The following SLC5A4 variants were observed in gnomAD, a reference collection of about 807,000 sequenced individuals.
The protein encoded by SLC5A4 is probable glucose sensor protein SLC5A4.
In SLC5A4, 55 loss-of-function variants were observed where a neutral mutation model predicts 70.3. That is an observed-to-expected ratio of 0.78 (90% CI 0.63 to 0.98). SLC5A4 has a LOEUF of 0.98. Ranked by LOEUF, SLC5A4 falls within the 50% of genes least tolerant of loss-of-function variation. SLC5A4 has a pLI of 0.00. For synonymous variants in SLC5A4, 268 were observed against 305.7 expected (o/e 0.88, Z 1.29); for missense variants, 735 against 839.2 (o/e 0.88, Z 1.53).
the SLC5A4 span, among the ~76,000 whole-genome samples, chr22:32,261,285 A>G: frequency 2.0e-5 from 3 of 152,160 alleles, no homozygotes; most frequent in African/African-American, 7.2e-5. Context: ...CTGCCATTGC[A>G]ACCTTAAGCT....
the SLC5A4 span, among the ~76,000 whole-genome samples, chr22:32,306,612 A>ACATGAAG: frequency 6.6e-6 from 1 of 152,210 alleles, no homozygotes; most frequent in African/African-American, 2.4e-5. Context: ...ATGCCTGCTC[A>ACATGAAG]CATGAAGCCA....
At chr22:32,340,186 G>A in the SLC5A4 span, among the ~76,000 whole-genome samples, 1,285 of 152,308 alleles carry the variant, frequency 8.4e-3, 21 homozygotes, top group African/African-American at 0.03. Context: ...GGATGGCCAA[G>A]CTGCAGTGCA....
chr22:32,254,178 G>A lies in SLC5A4; in HGVS notation c.171C>T (p.Gly57=), dbSNP rs752174080. The change falls in exon 2 of 15, where the codon GGC becomes GGT. Residue 57 remains glycine (G), a synonymous_variant. Coordinates refer to ENST00000266086, the MANE Select transcript of SLC5A4 (RefSeq NM_014227.3). ...CCATATCACGACCAGCGAGGAAGAA[G>A]CCTCCTATAGTACCTCGGTTGGTCT... ...MLKTNRGTIG[G]FFLAGRDMAW... 3 of 1,613,922 alleles carry A rather than the reference G, an allele frequency of 1.9e-6. No individual in the cohort carries two copies. In the African/African-American group the frequency reaches 4.0e-5, roughly 22 times the overall value.
intron 6 of SLC5A4, among the ~76,000 whole-genome samples, chr22:32,237,935 C>T (rs1178679880): frequency 6.6e-6 from 1 of 151,960 alleles, no homozygotes; most frequent in Admixed American, 6.6e-5. Flanking sequence ...AAGACTCATG[C>T]CCTTATTGCT....
chr22:32,312,116 C>G, the SLC5A4 span, among the ~76,000 whole-genome samples: 1 of 152,078 alleles, frequency 6.6e-6, no homozygotes, highest in Non-Finnish European at 1.5e-5. Flanking sequence ...AGATGCGTCC[C>G]TGAGTATTTT....
the SLC5A4 span, among the ~76,000 whole-genome samples, chr22:32,326,956 C>G: frequency 6.6e-6 from 1 of 152,138 alleles, no homozygotes; most frequent in Non-Finnish European, 1.5e-5. Context: ...ATGGACTCAC[C>G]CCCGCAGCCT....
At chr22:32,265,390 G>GA in the SLC5A4 span, among the ~76,000 whole-genome samples, 3 of 150,298 alleles carry the variant, frequency 2.0e-5, no homozygotes, top group Non-Finnish European at 3.0e-5. Context: ...CCTGTCTCAA[G>GA]AAAAAAAAAT....
chr22:32,259,764 G>C (rs1232271321), upstream of SLC5A4, among the ~76,000 whole-genome samples: 1 of 152,206 alleles, frequency 6.6e-6, no homozygotes, highest in Non-Finnish European at 1.5e-5. Context: ...GATTAAGGTG[G>C]ATTGGTGTTA....
chr22:32,301,499 T>C, the SLC5A4 span, among the ~76,000 whole-genome samples: 7 of 152,224 alleles, frequency 4.6e-5, no homozygotes, highest in African/African-American at 1.7e-4. Flanking sequence ...TGCAAAACAT[T>C]CTTGAAAGAA....
chr22:32,335,616 C>T, the SLC5A4 span, among the ~76,000 whole-genome samples: 1 of 152,184 alleles, frequency 6.6e-6, no homozygotes. Context: ...ATGCAACTTG[C>T]CCAAGGACAC....
chr22:32,270,094 G>C, the SLC5A4 span: 1 of 509,730 alleles, frequency 2.0e-6, no homozygotes, highest in Non-Finnish European at 3.7e-6. Context: ...CACATGGCCA[G>C]CTGGTCAGCC....
the SLC5A4 span, chr22:32,271,393 T>C: frequency 1.3e-6 from 1 of 762,232 alleles, no homozygotes; most frequent in Non-Finnish European, 2.4e-6. Flanking sequence ...CCTTACCTGC[T>C]GGTGCATGTG....
chr22:32,236,539 T>A (rs1677425936), intron 7 of SLC5A4, among the ~76,000 whole-genome samples: 1 of 152,184 alleles, frequency 6.6e-6, no homozygotes, highest in South Asian at 2.1e-4. Context: ...AATATTCAGT[T>A]CTCAAATTTT....
chr22:32,238,382 G>T (rs1926188085), intron 6 of SLC5A4, among the ~76,000 whole-genome samples: 1 of 152,114 alleles, frequency 6.6e-6, no homozygotes, highest in Non-Finnish European at 1.5e-5. Context: ...CACGAAAATG[G>T]CCCCAAAACT....
chr22:32,306,280 A>C, the SLC5A4 span, among the ~76,000 whole-genome samples: 56 of 151,526 alleles, frequency 3.7e-4, no homozygotes, highest in African/African-American at 1.3e-3. Flanking sequence ...CCTAGCTAAC[A>C]CGGTGAAACC....
rs1925341004 is a variant in SLC5A4, at chr22:32,225,531, C to G, written c.1449+124G>C. 4 of 652,910 alleles carry G rather than the reference C, an allele frequency of 6.1e-6. No individual in the cohort carries two copies. In the East Asian group the frequency reaches 1.1e-4, roughly 17 times the overall value. The allele number at this position is 652,910 out of a possible 1,614,324, so 40.4% of individuals were successfully genotyped here. On this transcript the variant is annotated intron_variant, in intron 12 of 14. Transcript: ENST00000266086. ...GATCAGGAATTGTGGCTGACCTCAA[C>G]TAAAATTAAGATGGGCCATGATTTG...
In SLC5A4 at chr22:32,232,902, T is replaced by A; in HGVS notation, c.1018A>T (p.Thr340Ser). Reference sequence around the variant, plus strand: ...AACATACGGATTCAGGGCTTACCTGTGTACAGGATGCGGCTGATCATCCCC... The same window carrying A: ...AACATACGGATTCAGGGCTTACCTGAGTACAGGATGCGGCTGATCATCCCC... ...MPGMISRILYTDMVACVVPSE... is the reference protein window; with the variant it reads ...MPGMISRILYSDMVACVVPSE... Residue 340 changes from threonine (T) to serine (S), a missense_variant, in exon 9 of 15, where the codon ACA becomes TCA. Thr to Ser is a moderately conservative substitution (Grantham distance 58). Coordinates refer to ENST00000266086, the MANE Select transcript of SLC5A4 (RefSeq NM_014227.3). The A allele has an allele frequency of 6.2e-7, 1 of 1,613,488 alleles. No homozygotes were observed. Among genetic ancestry groups the A allele is most frequent in the Non-Finnish European group, 8.5e-7 (1 of 1,179,756 alleles).
At chr22:32,330,798 G>GGAT in the SLC5A4 span, among the ~76,000 whole-genome samples, 1 of 126,092 alleles carries the variant, frequency 7.9e-6, no homozygotes. Flanking sequence ...TGTGTTGGGG[G>GGAT]CTCTGGTGTG....
chr22:32,300,847 TTC>T, the SLC5A4 span, among the ~76,000 whole-genome samples: 1 of 151,896 alleles, frequency 6.6e-6, no homozygotes, highest in African/African-American at 2.4e-5. Flanking sequence ...ATCATTTTAT[TTC>T]TGTCATAAAG....
Sources: gnomAD v4.1 joint callset for allele counts (sites outside exome capture counted in the v4.1 genomes callset) on GRCh38, gnomAD v4.1.1 for gene constraint, MANE v1.5 for transcripts, NCBI Gene and HGNC (gene_info 2026-07-23, HGNC 2026-07-21) for gene names.